Variants in POU6F2 observed in about 807,000 individuals in gnomAD.
POU6F2 encodes POU domain, class 6, transcription factor 2.
A neutral mutation model predicts 71.3 loss-of-function variants in POU6F2; 31 were observed. The observed-to-expected ratio is 0.43, with a 90% CI of 0.33 to 0.59. POU6F2 has a LOEUF of 0.59. POU6F2 is among the 20% of genes least tolerant of loss of function. The pLI is 0.04. For synonymous variants in POU6F2, 347 were observed against 355.7 expected, an observed-to-expected ratio of 0.98 and a Z score of 0.27; for missense variants, 783 against 856.8, an observed-to-expected ratio of 0.91 and a Z score of 1.07.
intron 2 of POU6F2, among the ~76,000 whole-genome samples, chr7:39,100,054 A>C (rs1316974378): frequency 6.6e-6 from 1 of 152,222 alleles, no homozygotes; most frequent in Non-Finnish European, 1.5e-5. Flanking sequence ...CTGCCCCTAA[A>C]TGGAAGTGCT....
intron 1 of POU6F2, among the ~76,000 whole-genome samples, chr7:39,012,158 C>CGTAGATTTGGTCAGGT (rs1789312512): frequency 6.6e-6 from 1 of 151,700 alleles, no homozygotes; most frequent in South Asian, 2.1e-4. Context: ...CTTTCAGGTA[C>CGTAGATTTGGTCAGGT]ACCAATCAGA....
chr7:39,394,486 G>A (rs75943124), intron 5 of POU6F2, among the ~76,000 whole-genome samples: 8,480 of 152,094 alleles, frequency 0.056, 299 homozygotes, highest in Non-Finnish European at 0.076. Context: ...ACGCTCTGTG[G>A]GCACTCTGCC....
intron 2 of POU6F2, among the ~76,000 whole-genome samples, chr7:39,151,538 T>C (rs1792760065): frequency 6.6e-6 from 1 of 152,136 alleles, no homozygotes; most frequent in East Asian, 1.9e-4. Context: ...TTCACATAGT[T>C]TGTCGTGCAG....
At chr7:39,174,885 C>G (rs1030372826) in intron 2 of POU6F2, among the ~76,000 whole-genome samples, 1 of 152,206 alleles carries the variant, frequency 6.6e-6, no homozygotes, top group East Asian at 1.9e-4. Flanking sequence ...CCTCAAGCCC[C>G]TGTGATCTGG....
At chr7:39,052,748 T>C (rs745323671) in intron 1 of POU6F2, among the ~76,000 whole-genome samples, 4 of 152,190 alleles carry the variant, frequency 2.6e-5, no homozygotes, top group Admixed American at 6.5e-5. Context: ...GGTGCTCTTC[T>C]TCCTTGGGCC....
intron 6 of POU6F2, among the ~76,000 whole-genome samples, chr7:39,412,192 G>A (rs540005643): frequency 6.6e-6 from 1 of 152,314 alleles, no homozygotes; most frequent in African/African-American, 2.4e-5. Context: ...TTGTTGCGGG[G>A]TTAAATGTGG....
At chr7:39,072,250 G>T (rs930106537) in intron 1 of POU6F2, among the ~76,000 whole-genome samples, 4 of 152,180 alleles carry the variant, frequency 2.6e-5, no homozygotes, top group South Asian at 2.1e-4. Flanking sequence ...GTGTAATGAG[G>T]CTAAATTCCA....
intron 1 of POU6F2, among the ~76,000 whole-genome samples, chr7:39,081,527 C>T (rs1049152878): frequency 2.0e-5 from 3 of 152,260 alleles, no homozygotes; most frequent in African/African-American, 7.2e-5. Context: ...TTATTATAGC[C>T]TTTTCATTTT....
chr7:39,124,197 C>G (rs1206867765), intron 2 of POU6F2, among the ~76,000 whole-genome samples: 1 of 152,064 alleles, frequency 6.6e-6, no homozygotes, highest in Non-Finnish European at 1.5e-5. Flanking sequence ...CAGGCGTGCA[C>G]CACCACACCC....
chr7:39,008,887 T>C (rs1789173788), intron 1 of POU6F2, among the ~76,000 whole-genome samples: 1 of 149,998 alleles, frequency 6.7e-6, no homozygotes, highest in Non-Finnish European at 1.5e-5. Context: ...TCTATATCTC[T>C]GTTTTGGTAC....
intron 2 of POU6F2, among the ~76,000 whole-genome samples, chr7:39,108,541 C>G (rs1791739524): frequency 6.6e-6 from 1 of 152,118 alleles, no homozygotes; most frequent in South Asian, 2.1e-4. Flanking sequence ...TGCCACATCC[C>G]CAGAAACTTG....
chr7:39,027,532 C>A (rs1226937858), intron 1 of POU6F2, among the ~76,000 whole-genome samples: 1 of 152,152 alleles, frequency 6.6e-6, no homozygotes, highest in Non-Finnish European at 1.5e-5. Context: ...GGTCCAAGGT[C>A]CTCCAATTCC....
intron 2 of POU6F2, among the ~76,000 whole-genome samples, chr7:39,124,849 A>T (rs1244458905): frequency 1.3e-5 from 2 of 152,180 alleles, no homozygotes. Flanking sequence ...TAGTTGAAGC[A>T]CAGATAGATC....
At chr7:39,372,829 C>G (rs147031108) in intron 5 of POU6F2, among the ~76,000 whole-genome samples, 1 of 152,044 alleles carries the variant, frequency 6.6e-6, no homozygotes. Flanking sequence ...ATGGGCCATA[C>G]CAAAACAGGC....
intron 1 of POU6F2, among the ~76,000 whole-genome samples, chr7:39,054,781 TAAA>T (rs35518758): frequency 1.4e-5 from 2 of 140,112 alleles, no homozygotes; most frequent in East Asian, 2.1e-4. Context: ...TGGAGACACT[TAAA>T]AAAAAAAAAA....
intron 4 of POU6F2, among the ~76,000 whole-genome samples, chr7:39,316,039 G>T (rs890970170): frequency 6.6e-6 from 1 of 152,176 alleles, no homozygotes; most frequent in African/African-American, 2.4e-5. Context: ...TTAGCACTGT[G>T]TCCTGGTAGT....
At chr7:39,321,010 C>G (rs531784271) in intron 4 of POU6F2, among the ~76,000 whole-genome samples, 1 of 152,180 alleles carries the variant, frequency 6.6e-6, no homozygotes, top group African/African-American at 2.4e-5. Context: ...GAGCCATGAT[C>G]ACACCACTGC....
At chr7:39,037,282 T>C (rs1402867732) in intron 1 of POU6F2, among the ~76,000 whole-genome samples, 10 of 152,058 alleles carry the variant, frequency 6.6e-5, no homozygotes. Context: ...TCATTTATTT[T>C]CTTTTTTGAG....
At chr7:39,033,948 TA>T (rs1790004925) in intron 1 of POU6F2, among the ~76,000 whole-genome samples, 1 of 152,148 alleles carries the variant, frequency 6.6e-6, no homozygotes, top group South Asian at 2.1e-4. Flanking sequence ...AACAGTAAGG[TA>T]AGATAAAAGT....
Sources: allele counts gnomAD v4.1 joint callset (sites outside exome capture counted in the v4.1 genomes callset), GRCh38; gene constraint gnomAD v4.1.1; transcripts MANE v1.5; gene names NCBI Gene and HGNC (gene_info 2026-07-23, HGNC 2026-07-21).